TBCCD1: variants seen among roughly 807,000 people sequenced by gnomAD.
TBCCD1 encodes TBCC domain containing 1.
In TBCCD1, 26 loss-of-function variants were observed where a neutral mutation model predicts 53.4. That is an observed-to-expected ratio of 0.49 (90% CI 0.36 to 0.68). TBCCD1 has a LOEUF of 0.68. Among genes scored for constraint, TBCCD1 ranks in the 30% least tolerant of loss-of-function variants. TBCCD1 has a pLI of 0.00. For missense variants in TBCCD1, 558 were observed against 669.5 expected (o/e 0.83, Z 1.84); for synonymous variants, 245 against 241.7 (o/e 1.01, Z -0.13).
intron 3 of TBCCD1, 61 bp downstream of exon 3, chr3:186,558,356 G>C: frequency 6.5e-7 from 1 of 1,539,062 alleles, no homozygotes; most frequent in Non-Finnish European, 8.8e-7. Flanking sequence ...TTTAATGCAA[G>C]TGAACCATCT....
rs1714855347 is a variant in TBCCD1 at position 186,567,107 on chromosome 3, G to A, written c.-44+160C>T. ...TCCGGGGTGGGACTCTGCGTGGGCC[G>A]CCCCAGCGTCGCGACCGGACTTCAG... On this transcript the variant is annotated intron_variant, in intron 1 of 7. Transcript: ENST00000338733. Among the ~76,000 whole-genome samples, 5 of 152,208 alleles carry A rather than the reference G, an allele frequency of 3.3e-5. No individual in the cohort carries two copies. The South Asian group carries it at 1.0e-3, about 32-fold the overall frequency.
rs77944355 is a variant in TBCCD1, at chr3:186,567,318, G to C, written c.-95C>G. 3,721 of 152,624 alleles carry C rather than the reference G, an allele frequency of 0.024. 145 individuals are homozygous for C. The highest frequency in any genetic ancestry group is 0.085 in the African/African-American group (3,514 of 41,496). The allele number at this position is 152,624 out of a possible 1,614,324, so 9.5% of individuals were successfully genotyped here. A position where few individuals can be genotyped will look rare whatever the true frequency, so the allele number is the denominator to read the frequency against. On this transcript the variant is annotated 5_prime_UTR_variant, in exon 1 of 8. Coordinates refer to ENST00000338733, the MANE Select transcript of TBCCD1 (RefSeq NM_018138.5). ...CACTTCTCCGCGCGCCGCCGCGCCCGGCGTCCGCTCGCTGGGCCCGCCCCT... is the reference window on the plus strand; with the variant it reads ...CACTTCTCCGCGCGCCGCCGCGCCCCGCGTCCGCTCGCTGGGCCCGCCCCT...
chr3:186,555,897 A>G (rs533606082), intron 4 of TBCCD1, among the ~76,000 whole-genome samples: 1 of 152,148 alleles, frequency 6.6e-6, no homozygotes, highest in South Asian at 2.1e-4. Flanking sequence ...CTGAGAGCAC[A>G]TCTTCCTATC....
chr3:186,556,924 G>A lies in TBCCD1; in HGVS notation c.493-149C>T, dbSNP rs73887950. On this transcript the variant is annotated intron_variant, in intron 3 of 7. Coordinates refer to ENST00000338733, the MANE Select transcript of TBCCD1 (RefSeq NM_018138.5). ...TAAACCTTATAAAGGTGATCCGCCCGGCTTGGCCTCAGAATTTCTAATCCC... is the reference window on the plus strand; with the variant it reads ...TAAACCTTATAAAGGTGATCCGCCCAGCTTGGCCTCAGAATTTCTAATCCC... The A allele has an allele frequency of 5.1e-3, 4,990 of 983,238 alleles. 163 individuals carry two copies. The African/African-American group carries it at 0.074, about 15-fold the overall frequency. The allele number at this position is 983,238 out of a possible 1,614,324, so 60.9% of individuals were successfully genotyped here.
Position 186,556,758 on chromosome 3 carries a change from A to C in TBCCD1, c.510T>G (p.Ser170Arg). The C allele has an allele frequency of 6.2e-7, 1 of 1,613,734 alleles. No homozygotes were observed. The highest frequency in any genetic ancestry group is 2.2e-5 in the East Asian group (1 of 44,882). The change falls in exon 4 of 8, where the codon AGT becomes AGG. Residue 170 changes from serine to arginine, a missense_variant. Physicochemically the swap from Ser to Arg is moderately radical, Grantham distance 110. Coordinates refer to ENST00000338733, the MANE Select transcript of TBCCD1 (RefSeq NM_018138.5). ...GATGATCATAGACAAAAGCTTGGTG[A>C]CTGTAATCATTCCAGTTCTAAAAAA... is the stretch of plus-strand genomic sequence containing the variant. ...NCHNKNWNDY[S>R]HQAFVYDHLS...
intron 7 of TBCCD1, among the ~76,000 whole-genome samples, chr3:186,547,867 G>A (rs78706800): frequency 0.047 from 7,192 of 151,680 alleles, 566 homozygotes; most frequent in African/African-American, 0.16. Context: ...TCGGCCTCCC[G>A]AAGTGCTGGG....
At position 186,554,677 on chromosome 3, in the gene TBCCD1, C is replaced by A. The variant is rs1560225054; in HGVS notation, c.1121G>T (p.Ser374Ile). The change falls in exon 6 of 8, where the codon AGT becomes ATT. Residue 374 changes from serine to isoleucine, a missense_variant. Physicochemically the swap from Ser to Ile is moderately radical, Grantham distance 142. Transcript: ENST00000338733. ...GPVGTTLHLH[S>I]CDNVKVIAVC... ...AGCAATGACTTTAACATTGTCACAA[C>A]TGTGGAGGTGAAGTGTAGTCCCTAC... is the stretch of plus-strand genomic sequence containing the variant. The A allele has an allele frequency of 6.2e-7, 1 of 1,614,192 alleles. No individual in the cohort carries two copies. Among genetic ancestry groups the A allele is most frequent in the African/African-American group, 1.3e-5 (1 of 75,030 alleles).
At chr3:186,547,059 C>T (rs1714234466) in intron 7 of TBCCD1, 104 bp from the exon 8 acceptor site, 1 of 151,898 alleles carries the variant, frequency 6.6e-6, no homozygotes, top group Non-Finnish European at 1.5e-5. Context: ...TTATCAAGGT[C>T]AAATGATAGA....
intron 7 of TBCCD1, among the ~76,000 whole-genome samples, chr3:186,550,265 A>C (rs909280478): frequency 6.6e-6 from 1 of 151,078 alleles, no homozygotes; most frequent in African/African-American, 2.4e-5. Flanking sequence ...CTAACACAGT[A>C]TACTAATCTC....
chr3:186,555,199 G>T, intron 4 of TBCCD1, 115 bp from the exon 5 acceptor site: 1 of 972,238 alleles, frequency 1.0e-6, no homozygotes, highest in Non-Finnish European at 1.4e-6. Flanking sequence ...ACCACATGTA[G>T]GGACAAAAAC....
intron 1 of TBCCD1, among the ~76,000 whole-genome samples, 161 bp downstream of exon 1, chr3:186,567,106 C>G (rs1220617803): frequency 6.6e-6 from 1 of 152,242 alleles, no homozygotes; most frequent in Non-Finnish European, 1.5e-5. Flanking sequence ...CTGCGTGGGC[C>G]GCCCCAGCGT....
chr3:186,553,207 A>C (rs1398857725), intron 6 of TBCCD1: 2 of 152,222 alleles, frequency 1.3e-5, no homozygotes, highest in African/African-American at 4.8e-5. Context: ...TACATCCCAC[A>C]GTCTGCACAT....
intron 2 of TBCCD1, among the ~76,000 whole-genome samples, chr3:186,559,584 C>T (rs1714638115): frequency 6.6e-6 from 1 of 152,096 alleles, no homozygotes; most frequent in African/African-American, 2.4e-5. Flanking sequence ...CTATATTCAC[C>T]CTGATTCCCA....
chr3:186,556,105 T>G (rs138001344), intron 4 of TBCCD1, among the ~76,000 whole-genome samples: 2 of 152,324 alleles, frequency 1.3e-5, no homozygotes, highest in Middle Eastern at 3.4e-3. Flanking sequence ...CATTTCTTGT[T>G]TATTTTTATT....
upstream of TBCCD1, among the ~76,000 whole-genome samples, chr3:186,568,905 G>GGAAA (rs1361311376): frequency 7.4e-6 from 1 of 135,320 alleles, no homozygotes; most frequent in Non-Finnish European, 1.5e-5. Flanking sequence ...TCTGTCTCAG[G>GGAAA]AAAAAAAAAG....
chr3:186,547,900 T>TA (rs750277918), intron 7 of TBCCD1, among the ~76,000 whole-genome samples: 22 of 151,372 alleles, frequency 1.5e-4, no homozygotes, highest in South Asian at 6.2e-4. Context: ...CTAAATTCTT[T>TA]AAAAAAAAAT....
In TBCCD1 at chr3:186,564,279, C is replaced by T; in HGVS notation, c.51G>A (p.Val17=). 4 of 1,614,126 alleles carry T rather than the reference C, an allele frequency of 2.5e-6. No individual in the cohort carries two copies. The South Asian group carries it at 4.4e-5, about 18-fold the overall frequency. The change falls in exon 2 of 8, where the codon GTG becomes GTA. Residue 17 remains valine (V), a synonymous_variant. Coordinates refer to ENST00000338733, the MANE Select transcript of TBCCD1 (RefSeq NM_018138.5). ...ATGGAGGGGGGACCTGCAAGGCACCCACTATAAAGGGTTCTGCTTTCACCC... is the reference window on the plus strand; with the variant it reads ...ATGGAGGGGGGACCTGCAAGGCACCTACTATAAAGGGTTCTGCTTTCACCC... The part of the protein sequence containing the change: ...LLWVKAEPFI[V]GALQVPPPSK...
chr3:186,547,154 T>C (rs1180635430), intron 7 of TBCCD1, among the ~76,000 whole-genome samples, 199 bp from the exon 8 acceptor site: 2 of 152,140 alleles, frequency 1.3e-5, no homozygotes, highest in African/African-American at 4.8e-5. Context: ...AAAGAGAAAT[T>C]CATACATGAA....
chr3:186,552,312 C>T (rs974968441), intron 6 of TBCCD1, among the ~76,000 whole-genome samples: 5 of 152,182 alleles, frequency 3.3e-5, no homozygotes, highest in Non-Finnish European at 7.3e-5. Flanking sequence ...TAGCCTAGCA[C>T]TGTCAGCTAG....
Sources: gnomAD v4.1 joint callset for allele counts (sites outside exome capture counted in the v4.1 genomes callset) on GRCh38, gnomAD v4.1.1 for gene constraint, MANE v1.5 for transcripts, NCBI Gene and HGNC (gene_info 2026-07-23, HGNC 2026-07-21) for gene names.